Variants in TENM3 observed in about 807,000 individuals in gnomAD.
TENM3 encodes teneurin-3.
TENM3 carries 63 observed loss-of-function variants against 255.1 expected under a neutral mutation model. The ratio of observed to expected loss-of-function variants is 0.25; its 90% CI spans 0.20 to 0.30. TENM3 has a LOEUF of 0.30. Among genes scored for constraint, TENM3 ranks in the 10% least tolerant of loss-of-function variants. TENM3 has a pLI of 1.00. For synonymous variants in TENM3, 1,306 were observed against 1,322.3 expected (o/e 0.99, Z 0.27); for missense variants, 2,929 against 3,461.1 (o/e 0.85, Z 3.86).
chr4:181,580,732 C>T, the TENM3 span, among the ~76,000 whole-genome samples: 4 of 152,122 alleles, frequency 2.6e-5, no homozygotes, highest in African/African-American at 9.7e-5. Flanking sequence ...CTAGGGTTAG[C>T]CCCATGGAGT....
rs1455747255 is a variant in TENM3 at position 182,793,128 on chromosome 4, C to T, written c.6456C>T (p.Asn2152=). 6.2e-7 allele frequency: 1 copy of T among 1,614,002 alleles called. No homozygotes were observed. Among genetic ancestry groups the T allele is most frequent in the South Asian group, 1.1e-5 (1 of 91,082 alleles). ...ATGAAAAGATAATGTGGCGGTACAA[C>T]TACGATCTGAATGGAAACCTCCATT... ...YLNEKIMWRY[N]YDLNGNLHLL... The change falls in exon 26 of 28, where the codon AAC becomes AAT. Residue 2152 remains asparagine, a synonymous_variant. Transcript: ENST00000511685. This position sits in a 1 kb window ranked among gnomAD's most constrained non-coding sequence, Gnocchi z 5.7.
the TENM3 span, among the ~76,000 whole-genome samples, chr4:182,066,706 C>T: frequency 2.0e-4 from 30 of 151,406 alleles, no homozygotes; most frequent in Middle Eastern, 3.4e-3. Flanking sequence ...GTCAGGAGAT[C>T]GAGACCGTCC....
chr4:182,600,779 T>C (rs1432309723), intron 3 of TENM3, 145 bp from the exon 4 acceptor site: 7 of 454,668 alleles, frequency 1.5e-5, no homozygotes, highest in Admixed American at 3.9e-5. Flanking sequence ...TAGAATAATA[T>C]GCAAATTTAT....
the TENM3 span, among the ~76,000 whole-genome samples, chr4:181,536,046 C>T: frequency 0.02 from 3,091 of 152,182 alleles, 118 homozygotes; most frequent in African/African-American, 0.069. Context: ...GCCTTCTCCC[C>T]GCACCTGTAT....
At chr4:182,775,880 T>TATCA (rs1764648667) in intron 24 of TENM3, among the ~76,000 whole-genome samples, 1 of 152,114 alleles carries the variant, frequency 6.6e-6, no homozygotes, top group South Asian at 2.1e-4. Flanking sequence ...TCCTTATCTA[T>TATCA]ATCATGGTAT....
intron 1 of TENM3, among the ~76,000 whole-genome samples, chr4:182,283,851 C>G (rs896895045): frequency 1.3e-5 from 2 of 152,070 alleles, no homozygotes; most frequent in African/African-American, 4.8e-5. Context: ...CGATTTCTGA[C>G]ATTTTTCACA....
the TENM3 span, among the ~76,000 whole-genome samples, chr4:182,022,970 A>G: frequency 3.3e-5 from 5 of 152,242 alleles, no homozygotes; most frequent in African/African-American, 1.2e-4. Flanking sequence ...TTTCAAATAT[A>G]AAAGCTTGCC....
chr4:182,253,627 C>T (rs984404703), intron 1 of TENM3, among the ~76,000 whole-genome samples: 1 of 152,152 alleles, frequency 6.6e-6, no homozygotes, highest in Admixed American at 6.6e-5. Context: ...TTGAGCTTCT[C>T]CTTGTAATAT....
At chr4:182,740,381 G>C (rs141874526) in intron 18 of TENM3, among the ~76,000 whole-genome samples, 1 of 152,336 alleles carries the variant, frequency 6.6e-6, no homozygotes, top group Non-Finnish European at 1.5e-5. Context: ...TGTTATATTA[G>C]TAGCACAAGG....
At chr4:182,364,477 C>T (rs948428016) in intron 3 of TENM3, among the ~76,000 whole-genome samples, 1 of 152,120 alleles carries the variant, frequency 6.6e-6, no homozygotes, top group Non-Finnish European at 1.5e-5. Flanking sequence ...AATGCAGTGG[C>T]GCGATCTCGG....
chr4:182,656,180 C>T (rs961017899), intron 6 of TENM3, among the ~76,000 whole-genome samples: 2 of 152,126 alleles, frequency 1.3e-5, no homozygotes, highest in Admixed American at 6.5e-5. Flanking sequence ...GAATGGTTAA[C>T]GGAAGCCCCA....
intron 3 of TENM3, among the ~76,000 whole-genome samples, chr4:182,415,317 T>C (rs529602131): frequency 1.2e-4 from 18 of 152,352 alleles, no homozygotes; most frequent in African/African-American, 3.8e-4. Flanking sequence ...AAATGTGCTA[T>C]AGATTTTTTG....
chr4:182,020,434 A>G, the TENM3 span, among the ~76,000 whole-genome samples: 1 of 152,248 alleles, frequency 6.6e-6, no homozygotes, highest in African/African-American at 2.4e-5. Flanking sequence ...AGATTGGTTA[A>G]AGGATAAAAA....
At chr4:181,995,406 T>A in the TENM3 span, among the ~76,000 whole-genome samples, 1 of 151,978 alleles carries the variant, frequency 6.6e-6, no homozygotes, top group Non-Finnish European at 1.5e-5. Context: ...ATGGGGTGAG[T>A]GCTGGAAAAA....
chr4:182,022,082 G>A, the TENM3 span, among the ~76,000 whole-genome samples: 1 of 151,754 alleles, frequency 6.6e-6, no homozygotes, highest in East Asian at 1.9e-4. Context: ...AAATTGTTCT[G>A]CACTCGTATG....
the TENM3 span, among the ~76,000 whole-genome samples, chr4:181,478,448 T>C: frequency 6.6e-5 from 10 of 152,294 alleles, no homozygotes; most frequent in South Asian, 1.0e-3. Flanking sequence ...CTCCTACTGC[T>C]GCAACATGCC....
At chr4:181,454,270 T>C in the TENM3 span, among the ~76,000 whole-genome samples, 1 of 152,156 alleles carries the variant, frequency 6.6e-6, no homozygotes, top group African/African-American at 2.4e-5. Context: ...TACATCTGAC[T>C]AGCACATTAT....
At chr4:182,747,316 T>C (rs1762076384) in intron 19 of TENM3, among the ~76,000 whole-genome samples, 1 of 152,226 alleles carries the variant, frequency 6.6e-6, no homozygotes, top group Non-Finnish European at 1.5e-5. Flanking sequence ...ACACATTGTC[T>C]TATTTTAAAA....
At chr4:182,578,015 T>C (rs1745104603) in intron 3 of TENM3, among the ~76,000 whole-genome samples, 1 of 152,006 alleles carries the variant, frequency 6.6e-6, no homozygotes, top group South Asian at 2.1e-4. Flanking sequence ...CTTGCTGTGT[T>C]GCCCAGGCTG....
Sources: gnomAD v4.1 joint callset for allele counts (sites outside exome capture counted in the v4.1 genomes callset) on GRCh38, gnomAD v4.1.1 for gene constraint, Gnocchi (gnomAD v3.1) non-coding constraint, MANE v1.5 for transcripts, NCBI Gene and HGNC (gene_info 2026-07-23, HGNC 2026-07-21) for gene names.